Variants in NXPH1 observed in about 807,000 individuals in gnomAD.
NXPH1 encodes neurexophilin 1.
In NXPH1, 5 loss-of-function variants were observed where a neutral mutation model predicts 23.7. The observed-to-expected ratio is 0.21, with a 90% confidence interval of 0.11 to 0.44. The LOEUF (loss-of-function observed/expected upper bound fraction) is 0.44, where lower values mean the gene tolerates loss of function less well. Ranked by LOEUF, NXPH1 falls within the 20% of genes least tolerant of loss-of-function variation. The pLI, the probability that NXPH1 is intolerant of heterozygous loss-of-function variation, is 0.99. For synonymous variants in NXPH1, 144 were observed against 122.2 expected (o/e 1.18, Z -1.18); for missense variants, 324 against 321.6 (o/e 1.01, Z -0.06).
chr7:8,681,313 C>T (rs1821045481), intron 2 of NXPH1, among the ~76,000 whole-genome samples: 1 of 152,186 alleles, frequency 6.6e-6, no homozygotes, highest in African/African-American at 2.4e-5. Context: ...CAAATATAAA[C>T]TGGAATTGCT....
chr7:8,435,638 T>C lies in NXPH1; in HGVS notation c.-76T>C, dbSNP rs966363773. 2.2e-6 allele frequency: 3 copies of C among 1,334,444 alleles called. No individual in the cohort carries two copies. The highest frequency in any genetic ancestry group is 3.2e-6 in the Non-Finnish European group (3 of 924,968). The allele number at this position is 1,334,444 out of a possible 1,614,324, so 82.7% of individuals were successfully genotyped here. Reference sequence around the variant, plus strand: ...AGCGCTCCTTGCTCTGTAAAGTGGATGTCAGGTGGATCTATGTTTCTGAAG... The same window carrying C: ...AGCGCTCCTTGCTCTGTAAAGTGGACGTCAGGTGGATCTATGTTTCTGAAG... On this transcript the variant is annotated 5_prime_UTR_variant, in exon 2 of 3. It removes an upstream start codon present in the reference 5' UTR. Transcript: ENST00000405863. The surrounding 1 kb of genome is among the most constrained non-coding windows in gnomAD (Gnocchi z 5.9).
chr7:8,601,824 A>G (rs1175438111), intron 2 of NXPH1, among the ~76,000 whole-genome samples: 1 of 152,222 alleles, frequency 6.6e-6, no homozygotes, highest in Non-Finnish European at 1.5e-5. Context: ...ATGCTATTCT[A>G]GGACCAGACT....
At chr7:8,679,149 G>C (rs759811553) in intron 2 of NXPH1, among the ~76,000 whole-genome samples, 1 of 151,366 alleles carries the variant, frequency 6.6e-6, no homozygotes, top group South Asian at 2.1e-4. Context: ...GGGTTTCACC[G>C]TGTTAGCCAG....
At chr7:8,669,231 C>T (rs1820828596) in intron 2 of NXPH1, among the ~76,000 whole-genome samples, 1 of 152,156 alleles carries the variant, frequency 6.6e-6, no homozygotes, top group African/African-American at 2.4e-5. Flanking sequence ...TGGGTGCCAG[C>T]CTAGGTCCCA....
intron 2 of NXPH1, among the ~76,000 whole-genome samples, chr7:8,592,414 T>C (rs1187453842): frequency 6.6e-6 from 1 of 152,036 alleles, no homozygotes; most frequent in Non-Finnish European, 1.5e-5. Context: ...TATTTCCATT[T>C]TGTAGGGGCT....
chr7:8,590,285 A>C (rs966438959), intron 2 of NXPH1, among the ~76,000 whole-genome samples: 8 of 152,096 alleles, frequency 5.3e-5, no homozygotes, highest in South Asian at 2.1e-4. Flanking sequence ...ATAAGTAAGT[A>C]AGTCTAGGTC....
At chr7:8,550,827 C>G (rs1001547736) in intron 2 of NXPH1, among the ~76,000 whole-genome samples, 1 of 151,362 alleles carries the variant, frequency 6.6e-6, no homozygotes, top group African/African-American at 2.4e-5. Context: ...ATTTGAAATA[C>G]CATTTAATGG....
At chr7:8,678,217 A>C (rs914011768) in intron 2 of NXPH1, among the ~76,000 whole-genome samples, 1 of 152,166 alleles carries the variant, frequency 6.6e-6, no homozygotes, top group African/African-American at 2.4e-5. Flanking sequence ...GGGTCTACAA[A>C]ACTCACCAAG....
At chr7:8,620,813 C>A (rs1323631210) in intron 2 of NXPH1, among the ~76,000 whole-genome samples, 3 of 152,186 alleles carry the variant, frequency 2.0e-5, no homozygotes, top group Admixed American at 6.5e-5. Flanking sequence ...TAATTTGTCA[C>A]TTTAAAGGCC....
At chr7:8,695,895 T>C (rs971147876) in intron 2 of NXPH1, among the ~76,000 whole-genome samples, 1 of 152,184 alleles carries the variant, frequency 6.6e-6, no homozygotes, top group Non-Finnish European at 1.5e-5. Context: ...CATGGAGTCA[T>C]TGTATTGTTT....
chr7:8,669,906 G>T (rs112128590), intron 2 of NXPH1, among the ~76,000 whole-genome samples: 2,900 of 152,214 alleles, frequency 0.019, 49 homozygotes, highest in Middle Eastern at 0.048. Context: ...TTTTCATGCA[G>T]GGATAGTTGT....
chr7:8,546,977 T>C (rs544425628), intron 2 of NXPH1, among the ~76,000 whole-genome samples: 3 of 151,598 alleles, frequency 2.0e-5, no homozygotes, highest in East Asian at 3.9e-4. Flanking sequence ...CCTTGGACTT[T>C]CATGTAATCA....
chr7:8,597,766 C>A (rs969535578), intron 2 of NXPH1, among the ~76,000 whole-genome samples: 3 of 151,742 alleles, frequency 2.0e-5, no homozygotes, highest in Admixed American at 6.6e-5. Context: ...TGGCAACATG[C>A]CTTACTACTC....
intron 2 of NXPH1, among the ~76,000 whole-genome samples, chr7:8,670,142 C>G (rs1174492946): frequency 6.6e-6 from 1 of 152,202 alleles, no homozygotes; most frequent in Non-Finnish European, 1.5e-5. Context: ...GGAATGGCTG[C>G]TGCATCTTTT....
At chr7:8,675,154 T>G (rs553673591) in intron 2 of NXPH1, among the ~76,000 whole-genome samples, 18 of 152,116 alleles carry the variant, frequency 1.2e-4, no homozygotes, top group Non-Finnish European at 1.3e-4. Flanking sequence ...ACTCAGCTCT[T>G]CTATTTATTT....
intron 2 of NXPH1, among the ~76,000 whole-genome samples, chr7:8,591,264 G>C (rs1299382636): frequency 6.6e-6 from 1 of 152,008 alleles, no homozygotes; most frequent in Non-Finnish European, 1.5e-5. Context: ...CTATTTTGCT[G>C]ATGAGGAAAC....
chr7:8,453,105 G>A (rs1816534592), intron 2 of NXPH1, among the ~76,000 whole-genome samples: 1 of 152,040 alleles, frequency 6.6e-6, no homozygotes, highest in Non-Finnish European at 1.5e-5. Context: ...AAAGAATTAA[G>A]TTTACTTTCA....
chr7:8,572,169 G>T (rs970629397), intron 2 of NXPH1, among the ~76,000 whole-genome samples: 5 of 151,786 alleles, frequency 3.3e-5, no homozygotes, highest in Non-Finnish European at 5.9e-5. Flanking sequence ...ATCATTATCT[G>T]AAATTCAAAA....
At chr7:8,661,360 G>A (rs1036660223) in intron 2 of NXPH1, among the ~76,000 whole-genome samples, 1 of 152,078 alleles carries the variant, frequency 6.6e-6, no homozygotes, top group African/African-American at 2.4e-5. Flanking sequence ...TGACAATTTG[G>A]CTCACCACAC....
Sources: gnomAD v4.1 joint callset for allele counts (sites outside exome capture counted in the v4.1 genomes callset) on GRCh38, gnomAD v4.1.1 for gene constraint, Gnocchi (gnomAD v3.1) non-coding constraint, MANE v1.5 for transcripts, NCBI Gene and HGNC (gene_info 2026-07-23, HGNC 2026-07-21) for gene names.